The following SAMD15 variants were observed in gnomAD, a reference collection of about 807,000 sequenced individuals.
SAMD15 encodes sterile alpha motif domain containing 15, also known as sterile alpha motif domain-containing protein 15.
Under a neutral mutation model 50.5 loss-of-function variants are expected in SAMD15, and 37 were observed. The observed-to-expected ratio is 0.73, with a 90% CI of 0.56 to 0.96. The LOEUF (loss-of-function observed/expected upper bound fraction) is 0.96. SAMD15 is among the 40% of genes least tolerant of loss of function. SAMD15 has a pLI of 0.00. For synonymous variants in SAMD15, 255 were observed against 282.8 expected, an observed-to-expected ratio of 0.90 and a Z score of 0.99; for missense variants, 789 against 783.8, an observed-to-expected ratio of 1.01 and a Z score of -0.08.
At chr14:77,379,607 G>A (rs2139648903) in intron 1 of SAMD15, among the ~76,000 whole-genome samples, 1 of 152,178 alleles carries the variant, frequency 6.6e-6, no homozygotes, top group Admixed American at 6.5e-5. Context: ...TAGCCAGGAT[G>A]GTCTCCATCT....
intron 2 of SAMD15, among the ~76,000 whole-genome samples, chr14:77,383,640 C>T (rs1893970344): frequency 6.6e-6 from 1 of 152,070 alleles, no homozygotes; most frequent in Non-Finnish European, 1.5e-5. Context: ...CCAAAGGTTA[C>T]GTTAGATAAG....
At position 77,378,878 on chromosome 14, in the gene SAMD15, A is replaced by T. The variant is rs547786336; in HGVS notation, c.1460A>T (p.Asn487Ile). 1.2e-5 allele frequency: 20 copies of T among 1,613,922 alleles called. No homozygotes were observed. The highest frequency in any genetic ancestry group is 8.8e-5 in the South Asian group (8 of 91,036). Reference protein sequence around the residue: ...EFLQPLQKLLNVSEECSYSDP... With the variant: ...EFLQPLQKLLIVSEECSYSDP... ...TTGCAACCACTCCAAAAATTGCTTA[A>T]TGTCAGTGAAGAATGCTCATACTCA... The change falls in exon 1 of 3, where the codon AAT becomes ATT. Residue 487 changes from asparagine (N) to isoleucine (I), a missense_variant. This residue lies in a region of SAMD15 where 770 missense variants were observed against 745.4 expected (regional missense o/e 1.03). Coordinates refer to ENST00000216471, the MANE Select transcript of SAMD15 (RefSeq NM_001010860.4).
rs1894069362 is a variant in SAMD15, at chr14:77,391,273, A to G, written c.*29A>G. 1.5e-6 allele frequency: 2 copies of G among 1,359,764 alleles called. No homozygotes were observed. Among genetic ancestry groups the G allele is most frequent in the African/African-American group, 1.4e-5 (1 of 69,118 alleles). The allele number at this position is 1,359,764 out of a possible 1,614,324, so 84.2% of individuals were successfully genotyped here. ...AAATCCACTTCACAGAGCTTGAAAG[A>G]TCAAACTAAATTACTTGAGGGAAGA... On this transcript the variant is annotated 3_prime_UTR_variant, in exon 3 of 3. Transcript: ENST00000216471.
At position 77,377,940 on chromosome 14, in the gene SAMD15, C is replaced by A; in HGVS notation, c.522C>A (p.Ala174=). 1 of 1,614,006 alleles carries A rather than the reference C, an allele frequency of 6.2e-7. No individual in the cohort carries two copies. The highest frequency in any genetic ancestry group is 1.3e-5 in the African/African-American group (1 of 75,012). ...AAACCATGTCTGAGGTTTCGGGGGC[C>A]ACAGTCAGAGAGAGAAATTTAGAAT... ...PTETMSEVSG[A]TVRERNLELL... Residue 174 remains alanine, a synonymous_variant, in exon 1 of 3, where the codon GCC becomes GCA. Transcript: ENST00000216471.
intron 2 of SAMD15, among the ~76,000 whole-genome samples, chr14:77,388,229 T>C (rs972413407): frequency 4.6e-5 from 7 of 152,144 alleles, no homozygotes; most frequent in African/African-American, 1.7e-4. Flanking sequence ...ATTTGTGAAA[T>C]AACCTTTTCT....
In SAMD15 at chr14:77,377,752, TC is replaced by T; in HGVS notation, c.336del (p.Arg113GlufsTer23). The T allele has an allele frequency of 6.2e-7, 1 of 1,613,960 alleles. No homozygotes were observed. Among genetic ancestry groups the T allele is most frequent in the Non-Finnish European group, 8.5e-7 (1 of 1,179,952 alleles). On this transcript the variant is annotated frameshift_variant, in exon 1 of 3. Transcript: ENST00000216471. LOFTEE classifies it high-confidence loss of function. ...GIHQEVKSET[S>X]REMGEFFKDL... The stretch of plus-strand genomic sequence containing the variant: ...ACACCAAGAGGTAAAGTCGGAAACA[TC>T]CAGAGAGATGGGAGAGTTTTTCAAA...
chr14:77,377,415 G>A lies in SAMD15; in HGVS notation c.-4G>A. On this transcript the variant is annotated 5_prime_UTR_variant, in exon 1 of 3. Transcript: ENST00000216471. The stretch of plus-strand genomic sequence containing the variant: ...GAAGCCGCGGCGCGTCTGCTAAGCT[G>A]CAAATGGCTGAAGTCCCGGAGGATT... 6.3e-7 allele frequency: 1 copy of A among 1,599,364 alleles called. No individual in the cohort carries two copies. The highest frequency in any genetic ancestry group is 8.5e-7 in the Non-Finnish European group (1 of 1,172,802).
intron 2 of SAMD15, among the ~76,000 whole-genome samples, chr14:77,389,760 A>G (rs1894049979): frequency 6.6e-6 from 1 of 152,068 alleles, no homozygotes; most frequent in Non-Finnish European, 1.5e-5. Flanking sequence ...TGGCCTCCCA[A>G]AGTGCTGGGA....
chr14:77,380,591 C>T, intron 2 of SAMD15, 110 bp downstream of exon 2: 2 of 687,340 alleles, frequency 2.9e-6, no homozygotes, highest in Non-Finnish European at 5.2e-6. Flanking sequence ...TCAATGGTGT[C>T]ATCATAATTC....
chr14:77,385,008 C>G (rs1419791116), intron 2 of SAMD15, among the ~76,000 whole-genome samples: 2 of 151,802 alleles, frequency 1.3e-5, no homozygotes, highest in Non-Finnish European at 2.9e-5. Flanking sequence ...ATGGTGAAAC[C>G]CTGTCTCTAC....
rs1240884630 is a variant in SAMD15 at position 77,378,665 on chromosome 14, A to G, written c.1247A>G (p.His416Arg). 3.1e-6 allele frequency: 5 copies of G among 1,614,176 alleles called. No homozygotes were observed. Among genetic ancestry groups the G allele is most frequent in the Middle Eastern group, 3.3e-4 (2 of 6,062 alleles). ...GATGAAACCAAACCAAGGGAGACAC[A>G]TGTAGAATTTTCCAAGGAAGACAGG... ...LPDETKPRET[H>R]VEFSKEDRPE... The change falls in exon 1 of 3, where the codon CAT (histidine) becomes CGT (arginine). Residue 416 changes from histidine to arginine, a missense_variant. His to Arg is a conservative substitution (Grantham distance 29). Transcript: ENST00000216471.
Position 77,379,067 on chromosome 14 carries a change from T to C in SAMD15, c.1649T>C (p.Val550Ala), listed in dbSNP as rs776372145. The C allele has an allele frequency of 1.2e-6, 2 of 1,613,936 alleles. No individual in the cohort carries two copies. The highest frequency in any genetic ancestry group is 1.3e-5 in the African/African-American group (1 of 75,056). The change falls in exon 1 of 3, where the codon GTT becomes GCT. Residue 550 changes from valine to alanine, a missense_variant. By Grantham distance (64) the Val-to-Ala change is moderately conservative (BLOSUM62 0). Around this residue, in one of 2 missense-constraint regions of SAMD15, gnomAD observed 770 missense variants for 745.4 expected, o/e 1.03. Coordinates refer to ENST00000216471, the MANE Select transcript of SAMD15 (RefSeq NM_001010860.4). ...CATCTTAATTGGGATCCAGAGGAAG[T>C]TGCAGAGTGGATTAGCCAGCTAGGC... is the stretch of plus-strand genomic sequence containing the variant. ...FEHLNWDPEE[V>A]AEWISQLGFP...
rs1014554217 is a variant in SAMD15 at position 77,392,138 on chromosome 14, T to C, written c.*894T>C. Among the ~76,000 whole-genome samples the C allele has an allele frequency of 1.3e-5, 2 of 152,142 alleles. No individual in the cohort carries two copies. The highest frequency in any genetic ancestry group is 4.8e-5 in the African/African-American group (2 of 41,430). ...GTAATAGGAACATGTTGGGGAAATA[T>C]AATTAAAAATAAAATCTCCTGCCAA... On this transcript the variant is annotated 3_prime_UTR_variant, in exon 3 of 3. Transcript: ENST00000216471.
intron 2 of SAMD15, among the ~76,000 whole-genome samples, chr14:77,381,544 A>G (rs943708655): frequency 6.6e-6 from 1 of 152,202 alleles, no homozygotes; most frequent in Non-Finnish European, 1.5e-5. Flanking sequence ...TGAAAAAGAT[A>G]CATTCCTAGG....
At chr14:77,387,128 T>G (rs1156818937) in intron 2 of SAMD15, among the ~76,000 whole-genome samples, 2 of 152,120 alleles carry the variant, frequency 1.3e-5, no homozygotes, top group Non-Finnish European at 2.9e-5. Flanking sequence ...TACTGCTTGT[T>G]GTTTGTTCAT....
In SAMD15 at chr14:77,378,440, CAAG is replaced by C; in HGVS notation, c.1025_1027del (p.Arg342del). 6.2e-7 allele frequency: 1 copy of C among 1,613,650 alleles called. No homozygotes were observed. The highest frequency in any genetic ancestry group is 8.5e-7 in the Non-Finnish European group (1 of 1,179,904). On this transcript the variant is annotated inframe_deletion, in exon 1 of 3. Coordinates refer to ENST00000216471, the MANE Select transcript of SAMD15 (RefSeq NM_001010860.4). ...AAATTAGAGTTTCCTGAGGAAGAAT[CAAG>C]AAAAACAAATGAGGAAACAATTCTA...
intron 2 of SAMD15, among the ~76,000 whole-genome samples, chr14:77,383,674 A>G (rs1003786659): frequency 6.6e-6 from 1 of 152,104 alleles, no homozygotes; most frequent in Non-Finnish European, 1.5e-5. Flanking sequence ...TTAGACCCAC[A>G]TGAAAAAGCT....
chr14:77,390,099 G>T (rs1169720907), intron 2 of SAMD15, among the ~76,000 whole-genome samples: 1 of 151,756 alleles, frequency 6.6e-6, no homozygotes, highest in African/African-American at 2.4e-5. Flanking sequence ...AGGTTCAAGC[G>T]ATTCTCCGGC....
intron 2 of SAMD15, among the ~76,000 whole-genome samples, chr14:77,387,942 C>T (rs1594863183): frequency 1.3e-5 from 2 of 152,152 alleles, no homozygotes; most frequent in African/African-American, 4.8e-5. Flanking sequence ...ACTTGGGAGG[C>T]CGAGGCAGGA....
Sources: gnomAD v4.1 joint callset for allele counts (sites outside exome capture counted in the v4.1 genomes callset) on GRCh38, gnomAD v4.1.1 for gene constraint, gnomAD v4.1.1 regional missense constraint, MANE v1.5 for transcripts, NCBI Gene and HGNC (gene_info 2026-07-23, HGNC 2026-07-21) for gene names.